CDH8: variants seen among roughly 807,000 people sequenced by gnomAD.
CDH8 encodes cadherin-8.
CDH8 carries 17 observed loss-of-function variants against 68.1 expected under a neutral mutation model. That is an observed-to-expected ratio of 0.25 (90% confidence interval 0.17 to 0.37). The LOEUF is 0.37. Among genes scored for constraint, CDH8 ranks in the 10% least tolerant of loss-of-function variants. The probability of loss-of-function intolerance (pLI) is 1.00; values close to 1 mark genes in which losing one functional copy is unlikely to be tolerated. For missense variants in CDH8, 763 were observed against 999.3 expected, an observed-to-expected ratio of 0.76 and a Z score of 3.19; for synonymous variants, 372 against 365.1, an observed-to-expected ratio of 1.02 and a Z score of -0.21.
chr16:61,726,716 T>A (rs1959381189), intron 9 of CDH8: 2 of 304,850 alleles, frequency 6.6e-6, no homozygotes, highest in Non-Finnish European at 1.2e-5. Flanking sequence ...TATTCATATG[T>A]TTGCTGTGAA....
chr16:61,928,210 G>T (rs1964486202), intron 2 of CDH8, among the ~76,000 whole-genome samples: 2 of 152,128 alleles, frequency 1.3e-5, no homozygotes. Context: ...TTCTTGATGT[G>T]AATCAGTTTA....
intron 4 of CDH8, among the ~76,000 whole-genome samples, chr16:61,844,284 G>A (rs988629539): frequency 8.3e-6 from 1 of 120,878 alleles, no homozygotes; most frequent in African/African-American, 3.1e-5. Context: ...TGTGGGGTGG[G>A]GGGAGGGGGG....
chr16:61,987,990 G>A (rs1428029306), intron 2 of CDH8, among the ~76,000 whole-genome samples: 1 of 152,048 alleles, frequency 6.6e-6, no homozygotes, highest in East Asian at 1.9e-4. Context: ...AAGCTTCTCT[G>A]ACTTTATAGC....
intron 8 of CDH8, among the ~76,000 whole-genome samples, chr16:61,746,683 TAGA>T (rs1960032466): frequency 6.6e-6 from 1 of 151,908 alleles, no homozygotes. Context: ...AAATTTACTC[TAGA>T]AGGACTCTAA....
intron 4 of CDH8, among the ~76,000 whole-genome samples, chr16:61,844,538 G>GGTA (rs1567496731): frequency 6.6e-6 from 1 of 152,132 alleles, no homozygotes; most frequent in African/African-American, 2.4e-5. Flanking sequence ...CCATTTTCCA[G>GGTA]GGTATAGGAG....
chr16:61,661,862 T>C (rs1963563839), intron 10 of CDH8, among the ~76,000 whole-genome samples: 1 of 151,752 alleles, frequency 6.6e-6, no homozygotes, highest in African/African-American at 2.4e-5. Flanking sequence ...GTATTATTGT[T>C]TTCATTTTTT....
At chr16:61,692,310 T>G (rs1211216103) in intron 10 of CDH8, 1 of 152,180 alleles carries the variant, frequency 6.6e-6, no homozygotes, top group African/African-American at 2.4e-5. Flanking sequence ...CTTCTTTTAG[T>G]CACTCTTGCT....
intron 10 of CDH8, among the ~76,000 whole-genome samples, chr16:61,672,117 C>G (rs1442746111): frequency 6.6e-6 from 1 of 151,830 alleles, no homozygotes; most frequent in Non-Finnish European, 1.5e-5. Context: ...ATTTGATTTT[C>G]TAAGCTTGCC....
intron 10 of CDH8, among the ~76,000 whole-genome samples, chr16:61,687,264 C>T (rs374560052): frequency 4.6e-5 from 7 of 151,974 alleles, no homozygotes; most frequent in Admixed American, 2.6e-4. Flanking sequence ...AAAAAAAAAT[C>T]GGTCACAAAG....
chr16:61,915,919 A>G (rs1964231918), intron 2 of CDH8, among the ~76,000 whole-genome samples: 1 of 152,304 alleles, frequency 6.6e-6, no homozygotes, highest in African/African-American at 2.4e-5. Context: ...TGACAAGATG[A>G]AGAATTACTA....
chr16:61,924,301 A>G (rs762117441), intron 2 of CDH8, among the ~76,000 whole-genome samples: 14 of 152,190 alleles, frequency 9.2e-5, no homozygotes, highest in Admixed American at 2.6e-4. Context: ...ACACTTGATT[A>G]TGTTGAAATA....
chr16:61,941,850 C>T (rs113632089), intron 2 of CDH8, among the ~76,000 whole-genome samples: 106 of 152,254 alleles, frequency 7.0e-4, no homozygotes, highest in African/African-American at 2.5e-3. Flanking sequence ...AAGACTGGCT[C>T]CCTCCAGTAG....
chr16:61,972,569 T>TGG (rs10629724), intron 2 of CDH8, among the ~76,000 whole-genome samples: 11,101 of 97,964 alleles, frequency 0.11, 593 homozygotes, highest in Admixed American at 0.2. Context: ...GAACACATTG[T>TGG]GGGTGTGTGT....
chr16:61,945,316 T>A (rs563905785), intron 2 of CDH8, among the ~76,000 whole-genome samples: 1 of 151,956 alleles, frequency 6.6e-6, no homozygotes, highest in East Asian at 1.9e-4. Flanking sequence ...GATCACAAAG[T>A]CAGCTGCTTC....
At chr16:62,030,375 G>GT (rs576878439) in intron 1 of CDH8, among the ~76,000 whole-genome samples, 2,311 of 149,190 alleles carry the variant, frequency 0.015, 29 homozygotes, top group East Asian at 0.045. Context: ...ATTGTTTTTT[G>GT]TTTTTTTTTC....
intron 2 of CDH8, among the ~76,000 whole-genome samples, chr16:62,002,100 T>C (rs1965902707): frequency 1.3e-5 from 2 of 152,198 alleles, no homozygotes; most frequent in South Asian, 4.1e-4. Flanking sequence ...AGCATGTCCC[T>C]AGTAGATACT....
chr16:61,789,620 A>G, intron 7 of CDH8, 138 bp from the exon 8 acceptor site: 1 of 796,912 alleles, frequency 1.3e-6, no homozygotes, highest in African/African-American at 1.8e-5. Flanking sequence ...CATAATTTAT[A>G]AAACAAAAAT....
Position 61,727,075 on chromosome 16 carries a change from A to G in CDH8, c.1536+19T>C, listed in dbSNP as rs764905971. Reference sequence around the variant, plus strand: ...TTGTATACAAACATATTCAGCATTAACAACATGGAGATATTTACTTGGCCG... The same window carrying G: ...TTGTATACAAACATATTCAGCATTAGCAACATGGAGATATTTACTTGGCCG... On this transcript the variant is annotated intron_variant, in intron 9 of 11. Coordinates refer to ENST00000577390, the MANE Select transcript of CDH8 (RefSeq NM_001796.5). 244 of 1,610,092 alleles carry G rather than the reference A, an allele frequency of 1.5e-4. No homozygotes were observed. The highest frequency in any genetic ancestry group is 1.9e-4 in the Non-Finnish European group (227 of 1,177,432).
intron 2 of CDH8, among the ~76,000 whole-genome samples, chr16:61,987,498 C>T (rs1965648430): frequency 6.6e-6 from 1 of 152,094 alleles, no homozygotes; most frequent in Non-Finnish European, 1.5e-5. Context: ...CAGAGTTTGA[C>T]TCTGTCTCAA....
Sources: allele counts gnomAD v4.1 joint callset (sites outside exome capture counted in the v4.1 genomes callset), GRCh38; gene constraint gnomAD v4.1.1; transcripts MANE v1.5; gene names NCBI Gene and HGNC (gene_info 2026-07-23, HGNC 2026-07-21).